The following CNTN5 variants were observed in gnomAD, a reference collection of about 807,000 sequenced individuals.
CNTN5 encodes contactin-5.
Under a neutral mutation model 129.1 loss-of-function variants are expected in CNTN5, and 77 were observed. That is an observed-to-expected ratio of 0.60 (90% confidence interval 0.50 to 0.72). The LOEUF (loss-of-function observed/expected upper bound fraction) is 0.72, where lower values mean the gene tolerates loss of function less well. Ranked by LOEUF, CNTN5 falls within the 30% of genes least tolerant of loss-of-function variation. CNTN5 has a pLI of 0.00. For missense variants in CNTN5, 1,478 were observed against 1,328.8 expected (o/e 1.11, Z -1.75); for synonymous variants, 509 against 465.6 (o/e 1.09, Z -1.20).
At position 100,358,466 on chromosome 11, in the gene CNTN5, A is replaced by C. The variant is rs146954145; in HGVS notation, c.*2246A>C. On this transcript the variant is annotated 3_prime_UTR_variant, in exon 25 of 25. Transcript: ENST00000524871. ...ATTTTGCATCATAAACCTATTTAAA[A>C]AACAGGTTTTCAATGTTTATGTACT... 1 of 152,000 alleles carries C rather than the reference A, an allele frequency of 6.6e-6. No homozygotes were observed. The highest frequency in any genetic ancestry group is 2.4e-5 in the African/African-American group (1 of 41,552). The allele number at this position is 152,000 out of a possible 1,614,324, so 9.4% of individuals were successfully genotyped here.
intron 3 of CNTN5, among the ~76,000 whole-genome samples, chr11:99,636,903 T>C (rs111369127): frequency 0.46 from 37,865 of 81,962 alleles, 10,529 homozygotes; most frequent in Middle Eastern, 0.57. Context: ...ATCCCAGCTA[T>C]TGGGGAGGCT....
At chr11:99,271,669 G>A (rs1032368541) in intron 1 of CNTN5, among the ~76,000 whole-genome samples, 2 of 151,718 alleles carry the variant, frequency 1.3e-5, no homozygotes, top group South Asian at 4.1e-4. Flanking sequence ...TGATCCAAAG[G>A]CTTAACTAGA....
intron 2 of CNTN5, among the ~76,000 whole-genome samples, chr11:99,504,529 C>CA (rs754621021): frequency 0.03 from 2,700 of 89,974 alleles, 96 homozygotes; most frequent in East Asian, 0.11. Flanking sequence ...GACTCCGTCT[C>CA]AAAAAAAAAA....
chr11:100,328,861 C>T lies in CNTN5; in HGVS notation c.2731-11602C>T, dbSNP rs375826029. ...AGATGGACAGAGCAGCATGTGAAAA[C>T]TCACATGGTGAACTTGTGCTCCAAG... is the stretch of plus-strand genomic sequence containing the variant. On this transcript the variant is annotated intron_variant, in intron 21 of 24. Coordinates refer to ENST00000524871, the MANE Select transcript of CNTN5 (RefSeq NM_014361.4). 1.3e-4 allele frequency among the ~76,000 whole-genome samples: 20 copies of T among 152,348 alleles called. 1 individual carries two copies. In the East Asian group the frequency reaches 3.9e-3, roughly 29 times the overall value.
chr11:99,498,070 A>G (rs1309421974), intron 2 of CNTN5, among the ~76,000 whole-genome samples: 1 of 152,142 alleles, frequency 6.6e-6, no homozygotes, highest in East Asian at 1.9e-4. Flanking sequence ...GCCAAGTAAC[A>G]TCTTTATGGT....
intron 3 of CNTN5, among the ~76,000 whole-genome samples, chr11:99,570,187 TG>T (rs1176949790): frequency 6.6e-6 from 1 of 151,826 alleles, no homozygotes; most frequent in Non-Finnish European, 1.5e-5. Flanking sequence ...CCTCTTTACT[TG>T]TTTCTCTATG....
intron 3 of CNTN5, among the ~76,000 whole-genome samples, chr11:99,778,255 A>G (rs1945193601): frequency 6.6e-6 from 1 of 151,686 alleles, no homozygotes; most frequent in African/African-American, 2.4e-5. Context: ...AGGTTTTCAG[A>G]CTTGTTCAGC....
chr11:99,337,422 C>T (rs1249814838), intron 2 of CNTN5, among the ~76,000 whole-genome samples: 1 of 152,154 alleles, frequency 6.6e-6, no homozygotes, highest in Non-Finnish European at 1.5e-5. Context: ...AGCATTGTTT[C>T]TATAGATACT....
At chr11:99,968,000 A>C (rs1484579160) in intron 8 of CNTN5, among the ~76,000 whole-genome samples, 1 of 152,218 alleles carries the variant, frequency 6.6e-6, no homozygotes, top group Non-Finnish European at 1.5e-5. Flanking sequence ...AACTAAAAAG[A>C]AGTTGAGGTT....
intron 2 of CNTN5, among the ~76,000 whole-genome samples, chr11:99,439,545 T>G (rs1023823180): frequency 1.3e-5 from 2 of 151,372 alleles, no homozygotes; most frequent in Admixed American, 1.3e-4. Context: ...CCGTCTCTAC[T>G]GAAAATACAA....
chr11:99,547,221 T>A (rs1948328338), intron 2 of CNTN5, among the ~76,000 whole-genome samples: 1 of 152,072 alleles, frequency 6.6e-6, no homozygotes. Flanking sequence ...GTCAGGCTAG[T>A]CCCGAACTCC....
intron 18 of CNTN5, among the ~76,000 whole-genome samples, chr11:100,294,193 A>C (rs1417840178): frequency 6.6e-6 from 1 of 151,708 alleles, no homozygotes; most frequent in African/African-American, 2.4e-5. Context: ...TCAGGTAAAA[A>C]AAGATTGGTA....
At chr11:99,103,988 C>T (rs775344478) in intron 1 of CNTN5, among the ~76,000 whole-genome samples, 1 of 152,110 alleles carries the variant, frequency 6.6e-6, no homozygotes, top group Non-Finnish European at 1.5e-5. Flanking sequence ...TGAGAAAATA[C>T]AGTTCTTTTG....
At chr11:99,751,430 AAG>A (rs1347607252) in intron 3 of CNTN5, among the ~76,000 whole-genome samples, 1 of 152,186 alleles carries the variant, frequency 6.6e-6, no homozygotes, top group Non-Finnish European at 1.5e-5. Context: ...CAGTCCCCAA[AAG>A]AGAGAGAAGT....
At chr11:100,253,120 T>G (rs999046510) in intron 16 of CNTN5, among the ~76,000 whole-genome samples, 6 of 151,582 alleles carry the variant, frequency 4.0e-5, no homozygotes, top group Non-Finnish European at 8.8e-5. Context: ...TCTCTATCTC[T>G]ACAACATAAA....
intron 6 of CNTN5, among the ~76,000 whole-genome samples, chr11:99,894,093 C>A (rs931749952): frequency 2.0e-5 from 3 of 152,058 alleles, no homozygotes; most frequent in Admixed American, 6.6e-5. Context: ...TCTCTTCCTG[C>A]TGTTGCTATA....
intron 8 of CNTN5, among the ~76,000 whole-genome samples, chr11:99,973,910 G>T (rs1937750526): frequency 6.6e-6 from 1 of 152,150 alleles, no homozygotes. Flanking sequence ...AATGTACTGA[G>T]CCTCATATAT....
chr11:99,453,012 G>A (rs1195100441), intron 2 of CNTN5, among the ~76,000 whole-genome samples: 1 of 152,106 alleles, frequency 6.6e-6, no homozygotes, highest in Admixed American at 6.5e-5. Flanking sequence ...GCAGCACCTG[G>A]GTTCAAAACC....
intron 1 of CNTN5, among the ~76,000 whole-genome samples, chr11:99,025,732 A>G (rs972373261): frequency 6.6e-6 from 1 of 151,750 alleles, no homozygotes; most frequent in African/African-American, 2.4e-5. Flanking sequence ...ATATTTCATT[A>G]GTTGCAGGAG....
Sources: gnomAD v4.1 joint callset for allele counts (sites outside exome capture counted in the v4.1 genomes callset) on GRCh38, gnomAD v4.1.1 for gene constraint, MANE v1.5 for transcripts, NCBI Gene and HGNC (gene_info 2026-07-23, HGNC 2026-07-21) for gene names.